IQSEC3: variants seen among roughly 807,000 people sequenced by gnomAD.
IQSEC3 encodes IQ motif and SEC7 domain-containing protein 3.
IQSEC3 carries 50 observed loss-of-function variants against 105.4 expected under a neutral mutation model. That is an observed-to-expected ratio of 0.47 (90% CI 0.38 to 0.60). IQSEC3 has a LOEUF of 0.60. IQSEC3 is among the 20% of genes least tolerant of loss of function. The pLI is 0.00. For missense variants in IQSEC3, 1,415 were observed against 1,630.0 expected (o/e 0.87, Z 2.27); for synonymous variants, 708 against 746.0 (o/e 0.95, Z 0.83).
intron 1 of IQSEC3, among the ~76,000 whole-genome samples, chr12:88,675 C>T (rs7975313): frequency 0.56 from 85,070 of 151,932 alleles, 24,850 homozygotes; most frequent in African/African-American, 0.67. Flanking sequence ...ACAGCTGTAA[C>T]TGCTTGCCTT....
rs746537240 is a variant in IQSEC3 at position 174,903 on chromosome 12, C to A, written c.3419C>A (p.Pro1140Gln). The A allele has an allele frequency of 1.9e-6, 3 of 1,560,254 alleles. No individual in the cohort carries two copies. In the African/African-American group the frequency reaches 4.1e-5, roughly 21 times the overall value. Residue 1140 changes from proline to glutamine, a missense_variant, in exon 14 of 14, where the codon CCG (proline) becomes CAG (glutamine). Pro to Gln is a moderately conservative substitution (Grantham distance 76). Transcript: ENST00000538872. ...GSTPLGGPGS[P>Q]VKVTHQPPLP... The stretch of plus-strand genomic sequence containing the variant: ...ACACCCCTGGGCGGTCCCGGCTCTC[C>A]GGTCAAGGTCACCCACCAGCCTCCG...
At chr12:103,085 C>A (rs1168262669) in intron 2 of IQSEC3, among the ~76,000 whole-genome samples, 2 of 152,112 alleles carry the variant, frequency 1.3e-5, no homozygotes, top group African/African-American at 4.8e-5. Flanking sequence ...TTGCCCCTAC[C>A]GACCGCCTCC....
Position 165,842 on chromosome 12 carries a change from A to G in IQSEC3, c.2923A>G (p.Lys975Glu), listed in dbSNP as rs781947242. The G allele has an allele frequency of 6.2e-7, 1 of 1,614,054 alleles. No homozygotes were observed. Among genetic ancestry groups the G allele is most frequent in the South Asian group, 1.1e-5 (1 of 91,082 alleles). The change falls in exon 11 of 14, where the codon AAG (lysine) becomes GAG (glutamate). Residue 975 changes from lysine (K) to glutamate (E), a missense_variant. Around this residue, in one of 6 missense-constraint regions of IQSEC3, gnomAD observed 419 missense variants for 436.2 expected, o/e 0.96. Coordinates refer to ENST00000538872, the MANE Select transcript of IQSEC3 (RefSeq NM_001170738.2). ...DEMQKFVEDL[K>E]ESIAEVTELE... ...GATGCAGAAGTTCGTGGAGGACCTG[A>G]AGGAGTCCATTGCTGAGGTGACGGA...
In IQSEC3 at chr12:139,429, C is replaced by A. The variant is rs541149705; in HGVS notation, c.1991+75C>A. 7 of 1,282,070 alleles carry A rather than the reference C, an allele frequency of 5.5e-6. No individual in the cohort carries two copies. The East Asian group carries it at 1.6e-4, about 28-fold the overall frequency. 79.4% of individuals were successfully genotyped at this position (1,282,070 alleles called of 1,614,324 possible). A position where few individuals can be genotyped will look rare whatever the true frequency, so the allele number is the denominator to read the frequency against. On this transcript the variant is annotated intron_variant, in intron 4 of 13. Transcript: ENST00000538872. ...AGGGAAGGAGGAGGGCACCTTCCCT[C>A]CACCAAGCAGGGCGCCAGGTAACTT... is the stretch of plus-strand genomic sequence containing the variant.
intron 1 of IQSEC3, among the ~76,000 whole-genome samples, chr12:89,735 C>G (rs1864023911): frequency 6.6e-6 from 1 of 152,170 alleles, no homozygotes; most frequent in African/African-American, 2.4e-5. Context: ...TTTAATACAA[C>G]GTTTATGAAA....
At chr12:158,161 T>C (rs1386539796) in intron 7 of IQSEC3, among the ~76,000 whole-genome samples, 9 of 151,782 alleles carry the variant, frequency 5.9e-5, no homozygotes, top group African/African-American at 2.2e-4. Flanking sequence ...CAGAGTGTGA[T>C]GTGTGCGCAA....
chr12:141,096 T>A, intron 4 of IQSEC3, 28 bp from the exon 5 acceptor site: 1 of 1,577,482 alleles, frequency 6.3e-7, no homozygotes, highest in Non-Finnish European at 8.7e-7. Context: ...GCTCACTCTC[T>A]ACTGCTTCTC....
intron 7 of IQSEC3, among the ~76,000 whole-genome samples, chr12:159,963 C>G (rs1229064991): frequency 6.6e-6 from 1 of 152,160 alleles, no homozygotes; most frequent in Non-Finnish European, 1.5e-5. Flanking sequence ...TCAGTGCCGT[C>G]TTTTGTGTCT....
chr12:100,138 T>G (rs894377846), intron 2 of IQSEC3, among the ~76,000 whole-genome samples: 2 of 152,200 alleles, frequency 1.3e-5, no homozygotes, highest in African/African-American at 4.8e-5. Context: ...GGGCCTCAGT[T>G]TCCTCATCTG....
intron 5 of IQSEC3, among the ~76,000 whole-genome samples, chr12:145,648 A>G (rs1866232263): frequency 6.6e-6 from 1 of 152,210 alleles, no homozygotes; most frequent in Non-Finnish European, 1.5e-5. Flanking sequence ...CCCGGTCCAG[A>G]AGCTGAGAGT....
chr12:78,505 CAA>C (rs372881150), intron 1 of IQSEC3, among the ~76,000 whole-genome samples: 1,751 of 128,810 alleles, frequency 0.014, 14 homozygotes, highest in African/African-American at 0.028. Flanking sequence ...GACACCTCAG[CAA>C]AAAAAAAAAA....
chr12:107,710 G>A (rs1424836890), intron 2 of IQSEC3, among the ~76,000 whole-genome samples: 4 of 152,072 alleles, frequency 2.6e-5, no homozygotes, highest in African/African-American at 7.2e-5. Context: ...GCGCCCGGCC[G>A]GTAGTCTGTT....
At chr12:106,233 G>C (rs1864645141) in intron 2 of IQSEC3, among the ~76,000 whole-genome samples, 2 of 152,370 alleles carry the variant, frequency 1.3e-5, no homozygotes, top group African/African-American at 4.8e-5. Flanking sequence ...GAAGAGCAGA[G>C]CTAGGTTTTG....
At chr12:134,795 G>A (rs1865706854) in intron 3 of IQSEC3, among the ~76,000 whole-genome samples, 1 of 150,506 alleles carries the variant, frequency 6.6e-6, no homozygotes, top group South Asian at 2.1e-4. Flanking sequence ...CACTTTGGGA[G>A]GCCAAGGTGG....
At position 130,446 on chromosome 12, in the gene IQSEC3, C is replaced by T. The variant is rs191794888; in HGVS notation, c.903+4534C>T. ...AGTAATGCAGCCAAGACATGGACTCCGCAGCCCATGGTTTCGACCCTGTAC... is the reference window on the plus strand; with the variant it reads ...AGTAATGCAGCCAAGACATGGACTCTGCAGCCCATGGTTTCGACCCTGTAC... On this transcript the variant is annotated intron_variant, in intron 3 of 13. Transcript: ENST00000538872. 3.4e-3 allele frequency among the ~76,000 whole-genome samples: 520 copies of T among 152,328 alleles called. 1 individual carries two copies. Among genetic ancestry groups the T allele is most frequent in the Non-Finnish European group, 5.4e-3 (370 of 68,012 alleles).
At chr12:136,973 C>T (rs1411459070) in intron 3 of IQSEC3, among the ~76,000 whole-genome samples, 11 of 152,288 alleles carry the variant, frequency 7.2e-5, no homozygotes, top group East Asian at 3.9e-4. Context: ...AGAGGAGGCA[C>T]GCTGGCCCCC....
chr12:92,451 C>T (rs780769120), intron 1 of IQSEC3, among the ~76,000 whole-genome samples: 2 of 152,178 alleles, frequency 1.3e-5, no homozygotes, highest in Non-Finnish European at 2.9e-5. Flanking sequence ...TCTGAGAATG[C>T]CCCTCCCAGG....
At chr12:79,576 A>G (rs1863675247) in intron 1 of IQSEC3, among the ~76,000 whole-genome samples, 1 of 152,092 alleles carries the variant, frequency 6.6e-6, no homozygotes, top group Non-Finnish European at 1.5e-5. Flanking sequence ...GACTACAGGC[A>G]TGCATCACGA....
chr12:121,121 G>A (rs877479), intron 2 of IQSEC3, among the ~76,000 whole-genome samples: 84,445 of 151,562 alleles, frequency 0.56, 24,298 homozygotes, highest in East Asian at 0.69. Flanking sequence ...ACTTCCTGTC[G>A]AAGGGCCAGG....
Sources: gnomAD v4.1 joint callset for allele counts (sites outside exome capture counted in the v4.1 genomes callset) on GRCh38, gnomAD v4.1.1 for gene constraint, gnomAD v4.1.1 regional missense constraint, MANE v1.5 for transcripts, NCBI Gene and HGNC (gene_info 2026-07-23, HGNC 2026-07-21) for gene names.